DRC8: variants seen among roughly 807,000 people sequenced by gnomAD.
DRC8 encodes dynein regulatory complex protein 8.
At chr1:245,061,150 C>T in the DRC8 span, among the ~76,000 whole-genome samples, 1 of 152,212 alleles carries the variant, frequency 6.6e-6, no homozygotes, top group African/African-American at 2.4e-5. Context: ...GCCATGTGGC[C>T]TTCAATGAGC....
At chr1:245,046,278 C>T in the DRC8 span, among the ~76,000 whole-genome samples, 1 of 152,018 alleles carries the variant, frequency 6.6e-6, no homozygotes, top group African/African-American at 2.4e-5. Flanking sequence ...TTTCTTTTCA[C>T]TTATTTCAGT....
chr1:245,033,118 G>T, the DRC8 span, among the ~76,000 whole-genome samples: 1 of 152,204 alleles, frequency 6.6e-6, no homozygotes, highest in Non-Finnish European at 1.5e-5. Flanking sequence ...CGGCTAGTCC[G>T]GTACTGCATG....
the DRC8 span, among the ~76,000 whole-genome samples, chr1:245,115,311 G>C: frequency 6.6e-6 from 1 of 152,214 alleles, no homozygotes; most frequent in African/African-American, 2.4e-5. Flanking sequence ...GCCTCCCAAA[G>C]TGTTGGGATT....
chr1:245,100,009 T>G, the DRC8 span, among the ~76,000 whole-genome samples: 1 of 152,182 alleles, frequency 6.6e-6, no homozygotes, highest in East Asian at 1.9e-4. Flanking sequence ...TTCATAATTT[T>G]TTTCAGTAGG....
chr1:245,017,269 A>T, the DRC8 span: 1 of 1,610,354 alleles, frequency 6.2e-7, no homozygotes, highest in Admixed American at 1.7e-5. Flanking sequence ...TTTCACAAAA[A>T]AATCAAAGAG....
the DRC8 span, among the ~76,000 whole-genome samples, chr1:245,085,490 G>A: frequency 6.6e-6 from 1 of 152,090 alleles, no homozygotes; most frequent in Admixed American, 6.6e-5. Flanking sequence ...ACAAAAATGG[G>A]GAGGTAGGAA....
the DRC8 span, among the ~76,000 whole-genome samples, chr1:245,020,112 A>G: frequency 1.3e-5 from 2 of 152,174 alleles, no homozygotes; most frequent in Admixed American, 1.3e-4. Context: ...CCTCAGGTGG[A>G]GGTTTGGTGT....
chr1:245,104,482 G>C, the DRC8 span, among the ~76,000 whole-genome samples: 9 of 150,800 alleles, frequency 6.0e-5, no homozygotes, highest in African/African-American at 2.0e-4. Context: ...CCAGCCTGGG[G>C]GACAGATCGA....
At chr1:245,102,736 A>ACT in the DRC8 span, among the ~76,000 whole-genome samples, 1 of 152,276 alleles carries the variant, frequency 6.6e-6, no homozygotes, top group African/African-American at 2.4e-5. Flanking sequence ...AAAACAGAGT[A>ACT]GGAGGCAGGT....
chr1:245,021,193 A>T, the DRC8 span, among the ~76,000 whole-genome samples: 1 of 152,126 alleles, frequency 6.6e-6, no homozygotes, highest in Non-Finnish European at 1.5e-5. Context: ...ACATATTTTT[A>T]AAATGTAAGC....
the DRC8 span, chr1:245,044,122 C>T: frequency 3.9e-5 from 6 of 152,130 alleles, no homozygotes; most frequent in South Asian, 2.1e-4. Context: ...TTTACCACTT[C>T]GTAATTACTT....
the DRC8 span, among the ~76,000 whole-genome samples, chr1:245,053,772 A>G: frequency 6.6e-6 from 1 of 152,316 alleles, no homozygotes; most frequent in African/African-American, 2.4e-5. Flanking sequence ...GTGAGACCAT[A>G]GCAGATTCGC....
the DRC8 span, among the ~76,000 whole-genome samples, chr1:245,045,813 G>A: frequency 6.6e-6 from 1 of 152,136 alleles, no homozygotes; most frequent in Non-Finnish European, 1.5e-5. Flanking sequence ...AGAGGCCGGA[G>A]TGAACAAAGA....
the DRC8 span, among the ~76,000 whole-genome samples, chr1:245,001,682 T>C: frequency 6.6e-6 from 1 of 152,180 alleles, no homozygotes; most frequent in East Asian, 1.9e-4. Flanking sequence ...GATACACATA[T>C]TGTGCCCACC....
the DRC8 span, among the ~76,000 whole-genome samples, chr1:245,029,445 C>T: frequency 6.7e-6 from 1 of 149,986 alleles, no homozygotes; most frequent in African/African-American, 2.5e-5. Context: ...TTACAGGCAC[C>T]CGCCACCATG....
At chr1:245,010,399 T>C in the DRC8 span, among the ~76,000 whole-genome samples, 1 of 152,194 alleles carries the variant, frequency 6.6e-6, no homozygotes, top group South Asian at 2.1e-4. Context: ...GTGCATTCTG[T>C]ATCTGGCCTC....
chr1:245,100,414 T>TAA, the DRC8 span, among the ~76,000 whole-genome samples: 6 of 151,144 alleles, frequency 4.0e-5, no homozygotes, highest in East Asian at 9.8e-4. Flanking sequence ...ATAATAATAA[T>TAA]TGTTTAATGT....
the DRC8 span, among the ~76,000 whole-genome samples, chr1:245,026,334 A>G: frequency 6.6e-6 from 1 of 152,346 alleles, no homozygotes; most frequent in Middle Eastern, 3.4e-3. Flanking sequence ...TTTGTAATGG[A>G]TTAGAAATAA....
At chr1:245,012,244 A>C in the DRC8 span, among the ~76,000 whole-genome samples, 2 of 152,076 alleles carry the variant, frequency 1.3e-5, no homozygotes, top group African/African-American at 4.8e-5. Context: ...TGGAAGGATA[A>C]AATTATAAAT....
Sources: gnomAD v4.1 joint callset for allele counts (sites outside exome capture counted in the v4.1 genomes callset) on GRCh38, gnomAD v4.1.1 for gene constraint, MANE v1.5 for transcripts, NCBI Gene and HGNC (gene_info 2026-07-23, HGNC 2026-07-21) for gene names.